NRXN3: variants seen among roughly 807,000 people sequenced by gnomAD.
NRXN3 encodes neurexin 3, also known as neurexin III.
A neutral mutation model predicts 137.6 loss-of-function variants in NRXN3; 32 were observed. The ratio of observed to expected loss-of-function variants is 0.23; its 90% confidence interval spans 0.18 to 0.31. The LOEUF is 0.31. Ranked by LOEUF, NRXN3 falls within the 10% of genes least tolerant of loss-of-function variation. The probability of loss-of-function intolerance (pLI) is 1.00; values close to 1 mark genes in which losing one functional copy is unlikely to be tolerated. For missense variants in NRXN3, 1,574 were observed against 2,062.5 expected (o/e 0.76, Z 4.59); for synonymous variants, 798 against 784.5 (o/e 1.02, Z -0.29).
At chr14:78,711,370 T>C (rs906537731) in intron 7 of NRXN3, among the ~76,000 whole-genome samples, 2 of 151,746 alleles carry the variant, frequency 1.3e-5, no homozygotes, top group Non-Finnish European at 2.9e-5. Context: ...TCAACAAATA[T>C]GTTTGAATTT....
At chr14:78,992,616 C>T (rs988555742) in intron 15 of NRXN3, among the ~76,000 whole-genome samples, 5 of 152,122 alleles carry the variant, frequency 3.3e-5, no homozygotes, top group South Asian at 2.1e-4. Flanking sequence ...CTTCAAACAT[C>T]GAAAAATGTT....
chr14:79,629,684 G>A (rs1444299185), intron 16 of NRXN3, among the ~76,000 whole-genome samples: 3 of 152,238 alleles, frequency 2.0e-5, no homozygotes, highest in East Asian at 3.9e-4. Flanking sequence ...AAGTGTGCAG[G>A]AACTGAAGGA....
intron 15 of NRXN3, among the ~76,000 whole-genome samples, chr14:79,306,222 AT>A (rs1357884813): frequency 6.6e-6 from 1 of 152,066 alleles, no homozygotes; most frequent in African/African-American, 2.4e-5. Flanking sequence ...TAGGTGGGGG[AT>A]AAAAAACAAG....
At chr14:79,255,127 C>A (rs976271292) in intron 15 of NRXN3, among the ~76,000 whole-genome samples, 2 of 152,148 alleles carry the variant, frequency 1.3e-5, no homozygotes, top group African/African-American at 4.8e-5. Flanking sequence ...TTCCCTGAGC[C>A]AATTTTGAAA....
intron 19 of NRXN3, among the ~76,000 whole-genome samples, chr14:79,785,019 G>A (rs2099125235): frequency 6.6e-6 from 1 of 152,110 alleles, no homozygotes; most frequent in Non-Finnish European, 1.5e-5. Flanking sequence ...TTCTTTGTAA[G>A]GCTTTCACCT....
chr14:79,047,192 C>T (rs552399537), intron 15 of NRXN3, among the ~76,000 whole-genome samples: 89 of 149,552 alleles, frequency 6.0e-4, no homozygotes, highest in Middle Eastern at 3.5e-3. Context: ...TTTAGTGTGG[C>T]ACCATATCTA....
chr14:78,317,047 T>A (rs1196622175), intron 4 of NRXN3, among the ~76,000 whole-genome samples: 3 of 152,210 alleles, frequency 2.0e-5, no homozygotes, highest in Non-Finnish European at 4.4e-5. Flanking sequence ...AGAAGTCTTA[T>A]GATCTGCCGT....
At chr14:79,207,227 A>AT (rs964621345) in intron 15 of NRXN3, among the ~76,000 whole-genome samples, 1 of 152,128 alleles carries the variant, frequency 6.6e-6, no homozygotes, top group Non-Finnish European at 1.5e-5. Flanking sequence ...TTCACCTGGG[A>AT]TTTTTTAATA....
At chr14:79,328,431 G>A (rs924182605) in intron 15 of NRXN3, among the ~76,000 whole-genome samples, 2 of 152,182 alleles carry the variant, frequency 1.3e-5, no homozygotes, top group Non-Finnish European at 2.9e-5. Context: ...GTCAAGGGCA[G>A]AGAGTAAATA....
At chr14:78,884,773 A>AT (rs2099138597) in intron 10 of NRXN3, among the ~76,000 whole-genome samples, 1 of 152,140 alleles carries the variant, frequency 6.6e-6, no homozygotes, top group South Asian at 2.1e-4. Flanking sequence ...CAAACAGCCT[A>AT]TGTCTTAATT....
chr14:79,462,224 T>C lies in NRXN3; in HGVS notation c.3263-4997T>C, dbSNP rs1205249072. ...CCCCGTCTCTACTAAAAATACAAAA[T>C]TAGCCAGGTGTGGTGGTGCATGCCT... On this transcript the variant is annotated intron_variant, in intron 15 of 20. Transcript: ENST00000335750. 3.3e-5 allele frequency among the ~76,000 whole-genome samples: 5 copies of C among 151,026 alleles called. No individual in the cohort carries two copies. In the East Asian group the frequency reaches 9.8e-4, roughly 30 times the overall value.
intron 4 of NRXN3, among the ~76,000 whole-genome samples, chr14:78,445,272 T>C (rs77585117): frequency 0.028 from 4,330 of 152,268 alleles, 197 homozygotes; most frequent in African/African-American, 0.092. Flanking sequence ...ACCTGGGTCC[T>C]AGTTCTTGAT....
chr14:78,778,754 CTTTCTCTTTCTTTCTTTCTT>C (rs1285159391), intron 8 of NRXN3, among the ~76,000 whole-genome samples: 10 of 105,254 alleles, frequency 9.5e-5, no homozygotes, highest in Admixed American at 2.1e-4. Context: ...TTCTTTCCTT[CTTTCTCTTTCTTTCTTTCTT>C]TCTTTCTTTC....
chr14:79,144,515 C>T (rs1260409344), intron 15 of NRXN3, among the ~76,000 whole-genome samples: 1 of 152,138 alleles, frequency 6.6e-6, no homozygotes, highest in Non-Finnish European at 1.5e-5. Flanking sequence ...TTGTTTACCA[C>T]CCATCATGCT....
At chr14:78,851,522 CT>C (rs1301710003) in intron 10 of NRXN3, among the ~76,000 whole-genome samples, 3 of 152,182 alleles carry the variant, frequency 2.0e-5, no homozygotes, top group African/African-American at 7.2e-5. Context: ...AACCACAGGT[CT>C]TTTCTTCTTT....
At chr14:79,182,587 G>C (rs1485143521) in intron 15 of NRXN3, among the ~76,000 whole-genome samples, 3 of 152,162 alleles carry the variant, frequency 2.0e-5, no homozygotes, top group Admixed American at 2.0e-4. Context: ...GTGGGGAGCG[G>C]CTGTAAATAC....
intron 4 of NRXN3, among the ~76,000 whole-genome samples, chr14:78,335,585 T>C (rs2081368001): frequency 6.6e-6 from 1 of 152,184 alleles, no homozygotes; most frequent in Non-Finnish European, 1.5e-5. Flanking sequence ...TGATTATGAG[T>C]AAAATAAAGT....
intron 19 of NRXN3, among the ~76,000 whole-genome samples, chr14:79,798,128 TG>T (rs1356523368): frequency 6.6e-6 from 1 of 151,470 alleles, no homozygotes; most frequent in Non-Finnish European, 1.5e-5. Context: ...ATCATCCAGT[TG>T]TATGTGTGGG....
chr14:79,238,334 G>T (rs1382642782), intron 15 of NRXN3, among the ~76,000 whole-genome samples: 1 of 151,972 alleles, frequency 6.6e-6, no homozygotes, highest in African/African-American at 2.4e-5. Context: ...TAAGTTATTT[G>T]TGTATACATT....
Sources: allele counts gnomAD v4.1 joint callset (sites outside exome capture counted in the v4.1 genomes callset), GRCh38; gene constraint gnomAD v4.1.1; transcripts MANE v1.5; gene names NCBI Gene and HGNC (gene_info 2026-07-23, HGNC 2026-07-21).